The following NRG1 variants were observed in gnomAD, a reference collection of about 807,000 sequenced individuals.
NRG1 encodes the protein neuregulin 1.
Under a neutral mutation model 63.8 loss-of-function variants are expected in NRG1, and 18 were observed. The ratio of observed to expected loss-of-function variants is 0.28; its 90% CI spans 0.19 to 0.42. NRG1 has a LOEUF of 0.42. Among genes scored for constraint, NRG1 ranks in the 10% least tolerant of loss-of-function variants. NRG1 has a pLI of 1.00. For synonymous variants in NRG1, 302 were observed against 301.3 expected (o/e 1.00, Z -0.02); for missense variants, 762 against 814.7 (o/e 0.94, Z 0.79).
rs1004456355 is a variant in NRG1, at chr8:31,671,842, A to T, written c.37+32411A>T. On this transcript the variant is annotated intron_variant, in intron 1 of 10. Transcript: ENST00000519301. ...GATACGTACAAAAGATGACTTCTGG[A>T]TTTGAGGAACCATTCTCAATAGCAG... Among the ~76,000 whole-genome samples the T allele has an allele frequency of 2.6e-5, 4 of 152,154 alleles. 1 individual carries two copies. In the East Asian group the frequency reaches 7.7e-4, roughly 29 times the overall value.
intron 1 of NRG1, among the ~76,000 whole-genome samples, chr8:31,911,295 T>A (rs568047962): frequency 1.3e-5 from 2 of 152,340 alleles, no homozygotes; most frequent in South Asian, 4.1e-4. Context: ...GTATGTTTAT[T>A]GCAGCACTAT....
rs373265709 is a variant in NRG1 at position 32,553,045 on chromosome 8, G to C, written c.100+4219G>C. Among the ~76,000 whole-genome samples, 7 of 152,336 alleles carry C rather than the reference G, an allele frequency of 4.6e-5. No individual in the cohort carries two copies. The South Asian group carries it at 6.2e-4, about 14-fold the overall frequency. On this transcript the variant is annotated intron_variant, in intron 1 of 11. Transcript: ENST00000356819. ...AAAATTCCTTGCTATTAGGCAGCAAGATGCCAGATGGCCTAGTCCTTAGCT... is the reference window on the plus strand; with the variant it reads ...AAAATTCCTTGCTATTAGGCAGCAACATGCCAGATGGCCTAGTCCTTAGCT...
rs3052846 is a variant in NRG1, at chr8:31,912,566, C to CTT, written c.37+273156_37+273157dup. On this transcript the variant is annotated intron_variant, in intron 1 of 10. Coordinates refer to the NRG1 transcript ENST00000519301. ...AAAAGTCTGCAGAGCTTTAGAAATG[C>CTT]TTTTTTTTTTTTTTTTTTTTTTGAT... Among the ~76,000 whole-genome samples, 853 of 105,560 alleles carry CTT rather than the reference C, an allele frequency of 8.1e-3. 12 individuals carry two copies. Among genetic ancestry groups the CTT allele is most frequent in the African/African-American group, 0.026 (709 of 27,594 alleles). The allele number at this position is 105,560 out of a possible 152,430, so 69.3% of individuals were successfully genotyped here. A position where few individuals can be genotyped will look rare whatever the true frequency, so the allele number is the denominator to read the frequency against.
At chr8:31,763,273 T>A (rs1047712028) in intron 1 of NRG1, among the ~76,000 whole-genome samples, 7 of 152,254 alleles carry the variant, frequency 4.6e-5, no homozygotes, top group Admixed American at 3.3e-4. Context: ...TTGCTTATAC[T>A]TTCATTAAAT....
chr8:32,267,068 AAAAG>A (rs1405802836), intron 1 of NRG1, among the ~76,000 whole-genome samples: 1 of 149,916 alleles, frequency 6.7e-6, no homozygotes, highest in Admixed American at 6.7e-5. Flanking sequence ...AAGAAAGAAA[AAAAG>A]AAAGAGAGAG....
chr8:32,404,156 T>C (rs1268562985), intron 1 of NRG1, among the ~76,000 whole-genome samples: 1 of 152,170 alleles, frequency 6.6e-6, no homozygotes, highest in Non-Finnish European at 1.5e-5. Context: ...AGAAATGTTT[T>C]CCTGTTTTGC....
chr8:31,992,909 C>T (rs1418841656), intron 1 of NRG1, among the ~76,000 whole-genome samples: 1 of 151,650 alleles, frequency 6.6e-6, no homozygotes, highest in Non-Finnish European at 1.5e-5. Flanking sequence ...GGCTCTCTTC[C>T]AAAAAAATAA....
At chr8:32,363,950 T>C (rs1314296043) in intron 1 of NRG1, among the ~76,000 whole-genome samples, 2 of 152,020 alleles carry the variant, frequency 1.3e-5, no homozygotes, top group Non-Finnish European at 2.9e-5. Flanking sequence ...TGTGTTAATC[T>C]TGTAGAAGTG....
At chr8:32,042,807 G>A (rs954803853) in intron 1 of NRG1, among the ~76,000 whole-genome samples, 1 of 152,042 alleles carries the variant, frequency 6.6e-6, no homozygotes, top group Admixed American at 6.6e-5. Context: ...AAGAATTGGT[G>A]AATTTGAAGA....
chr8:32,123,085 G>A (rs531455453), intron 1 of NRG1, among the ~76,000 whole-genome samples: 1 of 152,100 alleles, frequency 6.6e-6, no homozygotes, highest in South Asian at 2.1e-4. Context: ...GTCCCCATGA[G>A]AATGCACCTG....
chr8:32,261,315 T>A (rs1850339180), intron 1 of NRG1, among the ~76,000 whole-genome samples: 1 of 151,864 alleles, frequency 6.6e-6, no homozygotes, highest in Non-Finnish European at 1.5e-5. Context: ...ACATGATGAT[T>A]TAAAATGTTT....
intron 5 of NRG1, among the ~76,000 whole-genome samples, chr8:32,652,975 G>T (rs1361120128): frequency 1.3e-5 from 2 of 152,146 alleles, no homozygotes; most frequent in African/African-American, 4.8e-5. Flanking sequence ...ATGCCCCTGA[G>T]AACCAGGAAT....
chr8:31,828,494 G>T (rs925428371), intron 1 of NRG1, among the ~76,000 whole-genome samples: 2 of 152,080 alleles, frequency 1.3e-5, no homozygotes, highest in Admixed American at 1.3e-4. Context: ...TGCTCGACTG[G>T]GTCCAATAAT....
intron 1 of NRG1, among the ~76,000 whole-genome samples, chr8:32,001,079 C>G (rs1033243142): frequency 9.9e-5 from 15 of 151,970 alleles, no homozygotes; most frequent in African/African-American, 3.6e-4. Context: ...ACCATGTTCC[C>G]CCTATTATGA....
At chr8:32,524,881 T>C (rs908113110) in intron 1 of NRG1, among the ~76,000 whole-genome samples, 2 of 152,184 alleles carry the variant, frequency 1.3e-5, no homozygotes, top group Non-Finnish European at 2.9e-5. Context: ...ATGAATAGAA[T>C]TTCATTTGCC....
At chr8:32,765,373 G>T (rs1293428854) in exon 12 of NRG1, 5 of 152,176 alleles carry the variant, frequency 3.3e-5, no homozygotes, top group African/African-American at 1.2e-4. Flanking sequence ...AAAAAGCCCA[G>T]CCCAGACAGC....
At position 32,760,370 on chromosome 8, in the gene NRG1, C is replaced by G. The variant is rs62497784; in HGVS notation, c.1223C>G (p.Thr408Ser). ...AGCTTCCTCAGGCATGCCAGAGAAA[C>G]CCCTGATTCCTACCGAGACTCTCCT... Residue 408 changes from threonine to serine, a missense_variant, in exon 11 of 12, where the codon ACC (threonine) becomes AGC (serine). This residue lies in a region of NRG1 where 503 missense variants were observed against 506.8 expected (regional missense o/e 0.99). Transcript: ENST00000356819. 3.2e-3 allele frequency: 5,187 copies of G among 1,613,938 alleles called. 15 individuals are homozygous for G. The highest frequency in any genetic ancestry group is 4.4e-3 in the Admixed American group (265 of 59,992).
At chr8:32,604,909 A>C (rs539587542) in intron 2 of NRG1, among the ~76,000 whole-genome samples, 21 of 152,254 alleles carry the variant, frequency 1.4e-4, no homozygotes, top group African/African-American at 4.3e-4. Context: ...TGTAATATTC[A>C]GAGTTTTATA....
intron 1 of NRG1, among the ~76,000 whole-genome samples, chr8:31,741,045 G>T (rs1167909610): frequency 1.3e-5 from 2 of 151,676 alleles, no homozygotes; most frequent in Admixed American, 6.6e-5. Context: ...GCCATACAAA[G>T]AATGAAATAA....
Sources: gnomAD v4.1 joint callset for allele counts (sites outside exome capture counted in the v4.1 genomes callset) on GRCh38, gnomAD v4.1.1 for gene constraint, gnomAD v4.1.1 regional missense constraint, MANE v1.5 for transcripts, NCBI Gene and HGNC (gene_info 2026-07-23, HGNC 2026-07-21) for gene names.